The following NIBAN2 variants were observed in gnomAD, a reference collection of about 807,000 sequenced individuals.
The protein encoded by NIBAN2 is niban apoptosis regulator 2.
NIBAN2 carries 36 observed loss-of-function variants against 81.8 expected under a neutral mutation model. That is an observed-to-expected ratio of 0.44 (90% CI 0.34 to 0.58). NIBAN2 has a LOEUF of 0.58. NIBAN2 is among the 20% of genes least tolerant of loss of function. The pLI is 0.02. For synonymous variants in NIBAN2, 445 were observed against 441.6 expected (o/e 1.01, Z -0.10); for missense variants, 897 against 1,014.1 (o/e 0.88, Z 1.57).
rs147372208 is a variant in NIBAN2, at chr9:127,559,240, C to G, written c.55+9580G>C. On this transcript the variant is annotated intron_variant, in intron 1 of 13. Coordinates refer to ENST00000373312, the MANE Select transcript of NIBAN2 (RefSeq NM_022833.4). The surrounding 1 kb of genome is among the most constrained non-coding windows in gnomAD (Gnocchi z 4.0). ...TTCCCAGCTCAGGCCAGGAACAGGA[C>G]AGCTTTCAGAGCAAGCTCTTCCTTC... 2.6e-5 allele frequency among the ~76,000 whole-genome samples: 4 copies of G among 152,346 alleles called. No individual in the cohort carries two copies. The highest frequency in any genetic ancestry group is 7.2e-5 in the African/African-American group (3 of 41,580).
Position 127,517,307 on chromosome 9 carries a change from G to T in NIBAN2, c.706-91C>A. On this transcript the variant is annotated intron_variant, in intron 6 of 13. Coordinates refer to ENST00000373312, the MANE Select transcript of NIBAN2 (RefSeq NM_022833.4). This position sits in a 1 kb window ranked among gnomAD's most constrained non-coding sequence, Gnocchi z 4.0. ...CATTCCCACAAGCCAGGCCGCTGCA[G>T]CCCCCACCTCCTCCGCGACTGGCCC... 2 of 1,064,338 alleles carry T rather than the reference G, an allele frequency of 1.9e-6. No homozygotes were observed. The highest frequency in any genetic ancestry group is 1.4e-6 in the Non-Finnish European group (1 of 717,360). The allele number at this position is 1,064,338 out of a possible 1,614,324, so 65.9% of individuals were successfully genotyped here.
Position 127,507,424 on chromosome 9 carries a change from C to T in NIBAN2, c.1662G>A (p.Lys554=). ...TVMKDILQAV[K]EAAVQRKHNL... is the part of the protein sequence containing the mutation. ...TGTGCTTCCTCTGCACCGCGGCCTC[C>T]TTCACAGCTACAGGGCCACAGGGGA... The change falls in exon 14 of 14, where the codon AAG becomes AAA. Residue 554 remains lysine, a synonymous_variant. Coordinates refer to ENST00000373312, the MANE Select transcript of NIBAN2 (RefSeq NM_022833.4). This position sits in a 1 kb window ranked among gnomAD's most constrained non-coding sequence, Gnocchi z 6.8. 6 of 1,509,080 alleles carry T rather than the reference C, an allele frequency of 4.0e-6. No homozygotes were observed. In the East Asian group the frequency reaches 9.1e-5, roughly 23 times the overall value. The allele number at this position is 1,509,080 out of a possible 1,614,324, so 93.5% of individuals were successfully genotyped here. A position where few individuals can be genotyped will look rare whatever the true frequency, so the allele number is the denominator to read the frequency against.
chr9:127,544,718 G>C (rs1350879279), intron 1 of NIBAN2, among the ~76,000 whole-genome samples: 1 of 152,146 alleles, frequency 6.6e-6, no homozygotes, highest in African/African-American at 2.4e-5. Context: ...TGGTCAGGCT[G>C]GTCTCGAATT....
chr9:127,541,030 G>C (rs180786924), intron 1 of NIBAN2, among the ~76,000 whole-genome samples: 1 of 152,228 alleles, frequency 6.6e-6, no homozygotes, highest in African/African-American at 2.4e-5. Flanking sequence ...GTGGGGGAAA[G>C]AGGGGGGTGC....
rs774671324 is a variant in NIBAN2, at chr9:127,517,969, G to T, written c.590-28C>A. The T allele has an allele frequency of 6.6e-7, 1 of 1,503,780 alleles. No individual in the cohort carries two copies. Among genetic ancestry groups the T allele is most frequent in the South Asian group, 1.3e-5 (1 of 79,762 alleles). The allele number at this position is 1,503,780 out of a possible 1,614,324, so 93.2% of individuals were successfully genotyped here. ...GCCCAGGAGACGGAGGGAGAGAGGA[G>T]GTCAGCAGATGGCCCAGTGGCCTCT... On this transcript the variant is annotated intron_variant, in intron 5 of 13. Coordinates refer to ENST00000373312, the MANE Select transcript of NIBAN2 (RefSeq NM_022833.4). This position sits in a 1 kb window ranked among gnomAD's most constrained non-coding sequence, Gnocchi z 4.0.
At chr9:127,520,613 C>G (rs1836919565) in intron 5 of NIBAN2, among the ~76,000 whole-genome samples, 2 of 152,108 alleles carry the variant, frequency 1.3e-5, no homozygotes, top group African/African-American at 4.8e-5. Flanking sequence ...AACTAGTGCC[C>G]TTAAAAGAAT....
At position 127,508,476 on chromosome 9, in the gene NIBAN2, G is replaced by A. The variant is rs1836659637; in HGVS notation, c.1380C>T (p.Pro460=). Residue 460 remains proline, a synonymous_variant, in exon 11 of 14, where the codon CCC becomes CCT. Transcript: ENST00000373312. The surrounding 1 kb of genome is among the most constrained non-coding windows in gnomAD (Gnocchi z 6.4). ...TGGACTTGCACAGCTCCTCCTTGGT[G>A]GGCCCCTTCCCCAGCTCCTGGTGCA... ...TLLHQELGKG[P]TKEELCKSIQ... 6.2e-7 allele frequency: 1 copy of A among 1,613,800 alleles called. No homozygotes were observed. The highest frequency in any genetic ancestry group is 1.3e-5 in the African/African-American group (1 of 75,032).
chr9:127,541,037 G>C (rs1468525079), intron 1 of NIBAN2, among the ~76,000 whole-genome samples: 1 of 152,184 alleles, frequency 6.6e-6, no homozygotes, highest in Non-Finnish European at 1.5e-5. Flanking sequence ...AAAGAGGGGG[G>C]TGCCGACCCC....
At chr9:127,542,720 AGTTTT>A (rs764943163) in intron 1 of NIBAN2, among the ~76,000 whole-genome samples, 2 of 151,964 alleles carry the variant, frequency 1.3e-5, no homozygotes, top group African/African-American at 4.8e-5. Flanking sequence ...CCCTGAGGCC[AGTTTT>A]GTTTTGTTTT....
rs1836664849 is a variant in NIBAN2, at chr9:127,508,625, A to G, written c.1318-87T>C. ...CGCTGAGGGGTCCTCATCCTCAACC[A>G]GCCCCCCACCCCGAGGCCTGCCAGG... On this transcript the variant is annotated intron_variant, in intron 10 of 13. Transcript: ENST00000373312. This position sits in a 1 kb window ranked among gnomAD's most constrained non-coding sequence, Gnocchi z 6.4. The G allele has an allele frequency of 8.9e-7, 1 of 1,121,426 alleles. No individual in the cohort carries two copies. The highest frequency in any genetic ancestry group is 1.3e-6 in the Non-Finnish European group (1 of 743,232). The allele number at this position is 1,121,426 out of a possible 1,614,324, so 69.5% of individuals were successfully genotyped here. A position where few individuals can be genotyped will look rare whatever the true frequency, so the allele number is the denominator to read the frequency against.
intron 1 of NIBAN2, among the ~76,000 whole-genome samples, chr9:127,561,821 A>G (rs962107914): frequency 1.3e-5 from 2 of 152,206 alleles, no homozygotes; most frequent in African/African-American, 4.8e-5. Flanking sequence ...CTACCAGGAG[A>G]AGAGAATGGC....
chr9:127,527,175 G>T lies in NIBAN2; in HGVS notation c.315+19C>A. 1 of 1,610,902 alleles carries T rather than the reference G, an allele frequency of 6.2e-7. No individual in the cohort carries two copies. The highest frequency in any genetic ancestry group is 1.1e-5 in the South Asian group (1 of 91,058). On this transcript the variant is annotated intron_variant, in intron 3 of 13. Coordinates refer to ENST00000373312, the MANE Select transcript of NIBAN2 (RefSeq NM_022833.4). ...AGAAAGCGGGGAGGCTCAGTGTGGCGCCCGGGGCCAGGCCTCACCGCTTTG... is the reference window on the plus strand; with the variant it reads ...AGAAAGCGGGGAGGCTCAGTGTGGCTCCCGGGGCCAGGCCTCACCGCTTTG...
At chr9:127,578,860 A>T (rs1274045578) in intron 1 of NIBAN2, 61 of 1,543,916 alleles carry the variant, frequency 4.0e-5, no homozygotes, top group African/African-American at 2.7e-5. Flanking sequence ...TCCTCTCTAA[A>T]CAAACAAACA....
At chr9:127,552,692 T>G (rs976763957) in intron 1 of NIBAN2, among the ~76,000 whole-genome samples, 12 of 140,678 alleles carry the variant, frequency 8.5e-5, no homozygotes, top group Non-Finnish European at 1.4e-4. Context: ...TCGTTTTTTT[T>G]TTTTTTTTTT....
intron 3 of NIBAN2, 104 bp from the exon 4 acceptor site, chr9:127,525,267 G>A (rs1837041464): frequency 1.4e-6 from 1 of 708,230 alleles, no homozygotes; most frequent in East Asian, 2.5e-5. Flanking sequence ...GTGGGGAGGA[G>A]AAGGGAAAGG....
rs117886140 is a variant in NIBAN2, at chr9:127,524,296, C to T, written c.422-450G>A. 3.7e-3 allele frequency among the ~76,000 whole-genome samples: 565 copies of T among 152,242 alleles called. 6 individuals are homozygous for T. The East Asian group carries it at 0.043, about 12-fold the overall frequency. On this transcript the variant is annotated intron_variant, in intron 4 of 13. Coordinates refer to ENST00000373312, the MANE Select transcript of NIBAN2 (RefSeq NM_022833.4). ...AAAATACAGCAAAAGGAATTTTTCC[C>T]TCCTTCAATTTCATTCTCAAGGATA...
rs1226746817 is a variant in NIBAN2 at position 127,505,752 on chromosome 9, G to A, written c.*1093C>T. 1.3e-5 allele frequency: 2 copies of A among 152,348 alleles called. No homozygotes were observed. The highest frequency in any genetic ancestry group is 6.5e-5 in the Admixed American group (1 of 15,288). 9.4% of individuals were successfully genotyped at this position (152,348 alleles called of 1,614,324 possible). On this transcript the variant is annotated 3_prime_UTR_variant, in exon 14 of 14. Transcript: ENST00000373312. ...CTTGTCCCAGGAACAAGAAGCTGAG[G>A]AGGGACGACAGCCAGGCCCAGAGTG...
In NIBAN2 at chr9:127,545,847, G is replaced by A; in HGVS notation, c.56-14069C>T. Among the ~76,000 whole-genome samples the A allele has an allele frequency of 6.6e-6, 1 of 152,164 alleles. No homozygotes were observed. Among genetic ancestry groups the A allele is most frequent in the Non-Finnish European group, 1.5e-5 (1 of 68,024 alleles). On this transcript the variant is annotated intron_variant, in intron 1 of 13. Coordinates refer to ENST00000373312, the MANE Select transcript of NIBAN2 (RefSeq NM_022833.4). This position sits in a 1 kb window ranked among gnomAD's most constrained non-coding sequence, Gnocchi z 4.7. ...ATTCCCATCTTGACACAAACAGAAG[G>A]AAACAAAAGCCCTCTCATCCCCTCC... is the stretch of plus-strand genomic sequence containing the variant.
Position 127,531,787 on chromosome 9 carries a change from G to A in NIBAN2, c.56-9C>T, listed in dbSNP as rs777053882. On this transcript the variant is annotated splice_polypyrimidine_tract_variant and intron_variant, in intron 1 of 13. Transcript: ENST00000373312. ...GATCTTCCCGGTTTTTTCTGGAAGA[G>A]AAGGACAAGCAGGAGCTTGAGGTCC... 3 of 1,613,998 alleles carry A rather than the reference G, an allele frequency of 1.9e-6. No homozygotes were observed. The highest frequency in any genetic ancestry group is 1.1e-5 in the South Asian group (1 of 91,090).
Sources: gnomAD v4.1 joint callset for allele counts (sites outside exome capture counted in the v4.1 genomes callset) on GRCh38, gnomAD v4.1.1 for gene constraint, Gnocchi (gnomAD v3.1) non-coding constraint, MANE v1.5 for transcripts, NCBI Gene and HGNC (gene_info 2026-07-23, HGNC 2026-07-21) for gene names.